CNTNAP2: variants seen among roughly 807,000 people sequenced by gnomAD.
CNTNAP2 encodes contactin associated protein 2, also known as contactin-associated protein-like 2.
Under a neutral mutation model 155.2 loss-of-function variants are expected in CNTNAP2, and 98 were observed. The observed-to-expected ratio is 0.63, with a 90% CI of 0.54 to 0.75. The LOEUF (loss-of-function observed/expected upper bound fraction) is 0.75. Among genes scored for constraint, CNTNAP2 ranks in the 30% least tolerant of loss-of-function variants. The pLI is 0.00. For missense variants in CNTNAP2, 1,727 were observed against 1,688.1 expected (o/e 1.02, Z -0.40); for synonymous variants, 651 against 631.2 (o/e 1.03, Z -0.47).
At chr7:147,410,201 T>C (rs1474925753) in intron 10 of CNTNAP2, among the ~76,000 whole-genome samples, 1 of 152,210 alleles carries the variant, frequency 6.6e-6, no homozygotes, top group Non-Finnish European at 1.5e-5. Context: ...TGGAATACTA[T>C]GCAGCCATAA....
At chr7:146,171,685 A>T (rs562458201) in intron 1 of CNTNAP2, among the ~76,000 whole-genome samples, 1 of 152,154 alleles carries the variant, frequency 6.6e-6, no homozygotes, top group African/African-American at 2.4e-5. Flanking sequence ...ATTTCTATTA[A>T]TATGTAAAAG....
intron 17 of CNTNAP2, among the ~76,000 whole-genome samples, chr7:148,170,442 C>T (rs778587144): frequency 1.3e-5 from 2 of 152,154 alleles, no homozygotes; most frequent in Non-Finnish European, 2.9e-5. Flanking sequence ...AGGCAAAGGC[C>T]CTCATTCTCT....
intron 21 of CNTNAP2, among the ~76,000 whole-genome samples, chr7:148,270,836 C>A (rs1456378369): frequency 6.6e-6 from 1 of 152,222 alleles, no homozygotes; most frequent in Non-Finnish European, 1.5e-5. Context: ...GCATTGAAAT[C>A]TTGACCATGT....
rs144274439 is a variant in CNTNAP2, at chr7:147,445,075, C to G, written c.1671-40860C>G. Among the ~76,000 whole-genome samples, 299 of 152,246 alleles carry G rather than the reference C, an allele frequency of 2.0e-3. 1 individual carries two copies. Among genetic ancestry groups the G allele is most frequent in the Middle Eastern group, 0.01 (3 of 294 alleles). On this transcript the variant is annotated intron_variant, in intron 10 of 23. Coordinates refer to ENST00000361727, the MANE Select transcript of CNTNAP2 (RefSeq NM_014141.6). ...CAAGAGAAGAATCCGCCCCCATGAT[C>G]CAATCACCTCCCACCACATCCCTCC... is the stretch of plus-strand genomic sequence containing the variant.
chr7:147,760,686 C>T (rs982492909), intron 13 of CNTNAP2, among the ~76,000 whole-genome samples: 3 of 152,146 alleles, frequency 2.0e-5, no homozygotes, highest in African/African-American at 7.2e-5. Context: ...GGAGAAATTT[C>T]TTGGTTGAAG....
intron 1 of CNTNAP2, among the ~76,000 whole-genome samples, chr7:146,514,993 A>G (rs1797519810): frequency 6.6e-6 from 1 of 152,006 alleles, no homozygotes; most frequent in South Asian, 2.1e-4. Flanking sequence ...GCTTTTCTTT[A>G]ATGGGATGGG....
chr7:146,615,557 T>C (rs183769418), intron 1 of CNTNAP2, among the ~76,000 whole-genome samples: 1 of 152,216 alleles, frequency 6.6e-6, no homozygotes, highest in Non-Finnish European at 1.5e-5. Context: ...TGTTGGTGAC[T>C]CACCCATATC....
intron 15 of CNTNAP2, among the ~76,000 whole-genome samples, chr7:148,026,519 T>C (rs1802378734): frequency 6.6e-6 from 1 of 152,150 alleles, no homozygotes; most frequent in African/African-American, 2.4e-5. Context: ...GTAGGGGGAA[T>C]AAAGTGAGAC....
At position 146,972,238 on chromosome 7, in the gene CNTNAP2, A is replaced by G. The variant is rs1053859725; in HGVS notation, c.403-71669A>G. ...TTTATCAATCTTTAATAATTTTACT[A>G]ACCTTTATTAATGTATATTCTAGTA... On this transcript the variant is annotated intron_variant, in intron 3 of 23. Coordinates refer to ENST00000361727, the MANE Select transcript of CNTNAP2 (RefSeq NM_014141.6). Among the ~76,000 whole-genome samples, 9 of 152,312 alleles carry G rather than the reference A, an allele frequency of 5.9e-5. No homozygotes were observed. The South Asian group carries it at 1.7e-3, about 28-fold the overall frequency.
intron 1 of CNTNAP2, among the ~76,000 whole-genome samples, chr7:146,569,750 C>T (rs1445117280): frequency 6.6e-6 from 1 of 152,082 alleles, no homozygotes; most frequent in Non-Finnish European, 1.5e-5. Flanking sequence ...GAAAAAAAGG[C>T]AAAATTCCTA....
intron 13 of CNTNAP2, among the ~76,000 whole-genome samples, chr7:147,763,825 T>C (rs918443361): frequency 4.6e-5 from 7 of 152,108 alleles, no homozygotes; most frequent in African/African-American, 1.7e-4. Context: ...TATTCTTGCT[T>C]GCTGGACTGA....
chr7:147,539,652 T>G (rs1799605861), intron 11 of CNTNAP2, among the ~76,000 whole-genome samples: 1 of 152,156 alleles, frequency 6.6e-6, no homozygotes, highest in Non-Finnish European at 1.5e-5. Flanking sequence ...AGTGACACTA[T>G]CAACTCCCAG....
rs1195687328 is a variant in CNTNAP2, at chr7:148,162,078, A to G, written c.2774-10164A>G. 2.6e-5 allele frequency among the ~76,000 whole-genome samples: 4 copies of G among 152,244 alleles called. No individual in the cohort carries two copies. In the East Asian group the frequency reaches 7.7e-4, roughly 29 times the overall value. On this transcript the variant is annotated intron_variant, in intron 17 of 23. Transcript: ENST00000361727. ...ACAGGGTGCCAGCTTGGATAATAAC[A>G]CCAGGGATTCTTGACTCCGGATTTA... is the stretch of plus-strand genomic sequence containing the variant.
intron 14 of CNTNAP2, among the ~76,000 whole-genome samples, chr7:147,969,914 TTTTATTTTATTTTATTTTA>T (rs990183576): frequency 1.3e-5 from 2 of 151,268 alleles, no homozygotes; most frequent in African/African-American, 4.8e-5. Flanking sequence ...TATGAATTTA[TTTTATTTTATTTTATTTTA>T]TTTATTTTAT....
intron 10 of CNTNAP2, among the ~76,000 whole-genome samples, chr7:147,476,929 T>TA (rs1220005381): frequency 6.0e-3 from 109 of 18,262 alleles, no homozygotes; most frequent in South Asian, 0.034. Context: ...CTCTGTCATT[T>TA]AAAAAAAAAA....
intron 1 of CNTNAP2, among the ~76,000 whole-genome samples, chr7:146,314,622 G>A (rs1800878694): frequency 6.6e-6 from 1 of 152,138 alleles, no homozygotes; most frequent in Non-Finnish European, 1.5e-5. Flanking sequence ...TCAGGAGCGT[G>A]GAGTTCTGTC....
chr7:148,247,770 C>T (rs1796298434), intron 20 of CNTNAP2, among the ~76,000 whole-genome samples: 1 of 151,770 alleles, frequency 6.6e-6, no homozygotes, highest in Admixed American at 6.6e-5. Flanking sequence ...TCTCCTGCCT[C>T]AGCCTCCCCA....
At chr7:146,703,015 A>C (rs1346605335) in intron 1 of CNTNAP2, among the ~76,000 whole-genome samples, 1 of 152,126 alleles carries the variant, frequency 6.6e-6, no homozygotes, top group Non-Finnish European at 1.5e-5. Flanking sequence ...GGGATCCTTA[A>C]AAACAAATAT....
At chr7:148,138,830 T>C (rs1805007180) in intron 16 of CNTNAP2, among the ~76,000 whole-genome samples, 1 of 152,212 alleles carries the variant, frequency 6.6e-6, no homozygotes, top group Non-Finnish European at 1.5e-5. Flanking sequence ...AGGGGATTGT[T>C]GCCAGCCACA....
Sources: gnomAD v4.1 joint callset for allele counts (sites outside exome capture counted in the v4.1 genomes callset) on GRCh38, gnomAD v4.1.1 for gene constraint, MANE v1.5 for transcripts, NCBI Gene and HGNC (gene_info 2026-07-23, HGNC 2026-07-21) for gene names.